LAMA3: variants seen among roughly 807,000 people sequenced by gnomAD.
The protein encoded by LAMA3 is laminin subunit alpha 3.
Under a neutral mutation model 402.0 loss-of-function variants are expected in LAMA3, and 281 were observed. The observed-to-expected ratio is 0.70, with a 90% confidence interval of 0.63 to 0.77. LAMA3 has a LOEUF of 0.77. Among genes scored for constraint, LAMA3 ranks in the 30% least tolerant of loss-of-function variants. The pLI is 0.00. For missense variants in LAMA3, 3,840 were observed against 4,215.5 expected (o/e 0.91, Z 2.47); for synonymous variants, 1,431 against 1,558.4 (o/e 0.92, Z 1.93).
At chr18:23,806,462 A>G (rs1258743180) in intron 12 of LAMA3, among the ~76,000 whole-genome samples, 1 of 152,128 alleles carries the variant, frequency 6.6e-6, no homozygotes, top group Non-Finnish European at 1.5e-5. Flanking sequence ...GAAGAGAATC[A>G]GTGGGGTCTT....
chr18:23,941,799 T>G (rs969504574), intron 68 of LAMA3, among the ~76,000 whole-genome samples: 1 of 152,226 alleles, frequency 6.6e-6, no homozygotes, highest in Non-Finnish European at 1.5e-5. Context: ...GAAAGAAAGT[T>G]GCTTTAGGAA....
chr18:23,765,791 A>G (rs981591784), intron 8 of LAMA3, among the ~76,000 whole-genome samples: 2 of 152,212 alleles, frequency 1.3e-5, no homozygotes, highest in African/African-American at 4.8e-5. Context: ...TGAAAATTCT[A>G]TAACTAAAAA....
chr18:23,810,610 C>T (rs2063050771), intron 13 of LAMA3, 107 bp downstream of exon 13: 2 of 1,234,198 alleles, frequency 1.6e-6, no homozygotes, highest in Non-Finnish European at 2.4e-6. Context: ...ACTGGCCACC[C>T]CCACATCCTG....
Position 23,943,925 on chromosome 18 carries a change from TG to T in LAMA3, c.9165del (p.Arg3056GlyfsTer32). On this transcript the variant is annotated frameshift_variant, in exon 69 of 75. Coordinates refer to ENST00000313654, the MANE Select transcript of LAMA3 (RefSeq NM_198129.4). LOFTEE classifies it high-confidence loss of function. ...GCACTGGGGACAGATGGGAAAAAAT[TG>T]AGGATCAAAAGCAAGGAGAAATGCA... Reference protein sequence around the residue: ...VFALGTDGKKLRIKSKEKCND... With the variant: ...VFALGTDGKKXRIKSKEKCND... The T allele has an allele frequency of 2.5e-6, 4 of 1,614,008 alleles. No individual in the cohort carries two copies. In the South Asian group the frequency reaches 4.4e-5, roughly 18 times the overall value.
rs540157577 is a variant in LAMA3, at chr18:23,871,560, G to C, written c.4897G>C (p.Glu1633Gln). ...FTETQRLTLS[E>Q]VGLEEASDTG... ...AGAGACTCAAAGGCTCACCCTGAGCGAGGTGGGGCTAGAGGAAGCCTCTGA... is the reference window on the plus strand; with the variant it reads ...AGAGACTCAAAGGCTCACCCTGAGCCAGGTGGGGCTAGAGGAAGCCTCTGA... Residue 1633 changes from glutamate (E) to glutamine (Q), a missense_variant, in exon 38 of 75, where the codon GAG (glutamate) becomes CAG (glutamine). This residue lies in a region of LAMA3 where 2,109 missense variants were observed against 2,376.0 expected (regional missense o/e 0.89). Coordinates refer to ENST00000313654, the MANE Select transcript of LAMA3 (RefSeq NM_198129.4). The C allele has an allele frequency of 6.2e-7, 1 of 1,614,210 alleles. No homozygotes were observed. The highest frequency in any genetic ancestry group is 8.5e-7 in the Non-Finnish European group (1 of 1,180,036).
At chr18:23,714,123 C>A in intron 2 of LAMA3, 51 bp downstream of exon 2, 3 of 1,503,754 alleles carry the variant, frequency 2.0e-6, no homozygotes, top group South Asian at 1.2e-5. Context: ...ATCACTGTTT[C>A]TATGGGGATT....
At chr18:23,928,100 C>T in intron 62 of LAMA3, 23 bp from the exon 63 acceptor site, 1 of 1,525,110 alleles carries the variant, frequency 6.6e-7, no homozygotes, top group Non-Finnish European at 9.1e-7. Flanking sequence ...CCATCTCTTC[C>T]TTTTATCTGT....
intron 41 of LAMA3, among the ~76,000 whole-genome samples, chr18:23,885,741 A>T (rs2065053234): frequency 6.6e-6 from 1 of 152,232 alleles, no homozygotes; most frequent in African/African-American, 2.4e-5. Context: ...TCATAAAATC[A>T]ATACATATTT....
At chr18:23,738,965 G>T (rs2061520924) in intron 2 of LAMA3, among the ~76,000 whole-genome samples, 1 of 152,176 alleles carries the variant, frequency 6.6e-6, no homozygotes, top group African/African-American at 2.4e-5. Context: ...GATTCATACG[G>T]TGGAAAGGGG....
rs189629215 is a variant in LAMA3 at position 23,701,280 on chromosome 18, C to T, written c.294+11303C>T. ...GTCTCTGAAACTGGTGAGACTCTGC[C>T]CAGAGATGGAAGAGCTGAGTTGGGC... On this transcript the variant is annotated intron_variant, in intron 1 of 74. Coordinates refer to ENST00000313654, the MANE Select transcript of LAMA3 (RefSeq NM_198129.4). Among the ~76,000 whole-genome samples, 15 of 152,206 alleles carry T rather than the reference C, an allele frequency of 9.9e-5. No homozygotes were observed. In the East Asian group the frequency reaches 2.9e-3, roughly 29 times the overall value.
At chr18:23,798,654 C>T (rs781087183) in intron 12 of LAMA3, among the ~76,000 whole-genome samples, 5 of 152,164 alleles carry the variant, frequency 3.3e-5, no homozygotes, top group Non-Finnish European at 5.9e-5. Flanking sequence ...CCTTGTAATT[C>T]ATTTTTGTTT....
At chr18:23,882,971 G>A (rs2064950484) in intron 40 of LAMA3, among the ~76,000 whole-genome samples, 1 of 152,234 alleles carries the variant, frequency 6.6e-6, no homozygotes, top group South Asian at 2.1e-4. Context: ...CTGCTTTAGA[G>A]GGGTGGCCAA....
intron 30 of LAMA3, 64 bp from the exon 31 acceptor site, chr18:23,846,233 A>G: frequency 6.6e-7 from 1 of 1,509,538 alleles, no homozygotes; most frequent in East Asian, 2.3e-5. Context: ...GGTAAAGGCA[A>G]GGTTGAGGCC....
intron 1 of LAMA3, among the ~76,000 whole-genome samples, chr18:23,694,817 T>C (rs1273456285): frequency 6.6e-6 from 1 of 152,186 alleles, no homozygotes; most frequent in Non-Finnish European, 1.5e-5. Flanking sequence ...TTCCTGAGGG[T>C]GGGGCCCTGT....
rs571674238 is a variant in LAMA3 at position 23,882,524 on chromosome 18, C to A, written c.5222+479C>A. 2.4e-4 allele frequency among the ~76,000 whole-genome samples: 36 copies of A among 151,734 alleles called. No individual in the cohort carries two copies. In the East Asian group the frequency reaches 5.4e-3, roughly 23 times the overall value. Reference sequence around the variant, plus strand: ...ATTCGGGAGGCTGAGGCAGGAGAATCGCTTGAACCCAGGAGGCAGAGGCTG... The same window carrying A: ...ATTCGGGAGGCTGAGGCAGGAGAATAGCTTGAACCCAGGAGGCAGAGGCTG... On this transcript the variant is annotated intron_variant, in intron 40 of 74. Transcript: ENST00000313654.
Position 23,917,240 on chromosome 18 carries a change from T to C in LAMA3, c.7923+545T>C, listed in dbSNP as rs191592890. ...GCTGTGTAGTATTCCATGGTGTATA[T>C]GTACCTCATTTTCTTTATCCAGTTT... On this transcript the variant is annotated intron_variant, in intron 60 of 74. Transcript: ENST00000313654. 1.6e-3 allele frequency among the ~76,000 whole-genome samples: 244 copies of C among 152,352 alleles called. 2 individuals are homozygous for C. The highest frequency in any genetic ancestry group is 0.01 in the Middle Eastern group (3 of 294).
chr18:23,940,255 G>A (rs1444330480), intron 68 of LAMA3, among the ~76,000 whole-genome samples: 1 of 152,198 alleles, frequency 6.6e-6, no homozygotes, highest in Non-Finnish European at 1.5e-5. Flanking sequence ...CGGGTAGGAA[G>A]GGCCTCGGGT....
chr18:23,763,285 G>T, intron 7 of LAMA3, 120 bp from the exon 8 acceptor site: 1 of 732,110 alleles, frequency 1.4e-6, no homozygotes, highest in Non-Finnish European at 2.5e-6. Context: ...CCCTAAGAGT[G>T]TCCTGGGTGT....
chr18:23,859,010 G>A (rs1339680102), intron 34 of LAMA3, among the ~76,000 whole-genome samples, 181 bp downstream of exon 34: 2 of 152,070 alleles, frequency 1.3e-5, no homozygotes, highest in Non-Finnish European at 2.9e-5. Flanking sequence ...CTATAAAATA[G>A]CACACCTTGG....
Sources: allele counts gnomAD v4.1 joint callset (sites outside exome capture counted in the v4.1 genomes callset), GRCh38; gene constraint gnomAD v4.1.1; regional missense constraint gnomAD v4.1.1; transcripts MANE v1.5; gene names NCBI Gene and HGNC (gene_info 2026-07-23, HGNC 2026-07-21).